The following HS3ST4 variants were observed in gnomAD, a reference collection of about 807,000 sequenced individuals.
The protein encoded by HS3ST4 is heparan sulfate-glucosamine 3-sulfotransferase 4, also known as heparan sulfate glucosamine 3-O-sulfotransferase 4.
In HS3ST4, 17 loss-of-function variants were observed where a neutral mutation model predicts 29.2. That is an observed-to-expected ratio of 0.58 (90% CI 0.40 to 0.87). The LOEUF (loss-of-function observed/expected upper bound fraction) is 0.87, where lower values mean the gene tolerates loss of function less well. Among genes scored for constraint, HS3ST4 ranks in the 40% least tolerant of loss-of-function variants. The pLI is 0.00. For synonymous variants in HS3ST4, 314 were observed against 285.7 expected (o/e 1.10, Z -1.00); for missense variants, 627 against 634.5 (o/e 0.99, Z 0.13).
At chr16:25,989,185 T>C (rs980015375) in intron 1 of HS3ST4, among the ~76,000 whole-genome samples, 1 of 152,230 alleles carries the variant, frequency 6.6e-6, no homozygotes, top group Non-Finnish European at 1.5e-5. Flanking sequence ...ACTCCGTGAT[T>C]GGTGTAAGAG....
At chr16:25,769,336 C>T (rs1015099118) in intron 1 of HS3ST4, among the ~76,000 whole-genome samples, 3 of 152,120 alleles carry the variant, frequency 2.0e-5, no homozygotes, top group Admixed American at 2.0e-4. Context: ...TCATCCCTCT[C>T]TCTTTCCCAC....
At chr16:25,857,954 T>G (rs1967597114) in intron 1 of HS3ST4, among the ~76,000 whole-genome samples, 9 of 56,084 alleles carry the variant, frequency 1.6e-4, no homozygotes, top group African/African-American at 9.1e-4. Context: ...CTTTCTTTCT[T>G]TCTTTCTTTC....
chr16:25,851,390 G>A (rs182978329), intron 1 of HS3ST4, among the ~76,000 whole-genome samples: 3 of 152,232 alleles, frequency 2.0e-5, no homozygotes, highest in Admixed American at 2.0e-4. Context: ...TACAGAGCGG[G>A]CTCTTTGAGT....
chr16:25,816,717 C>T (rs1234222941), intron 1 of HS3ST4, among the ~76,000 whole-genome samples: 1 of 152,074 alleles, frequency 6.6e-6, no homozygotes, highest in African/African-American at 2.4e-5. Flanking sequence ...CAGTTACAGG[C>T]TTACAGGCTA....
intron 1 of HS3ST4, among the ~76,000 whole-genome samples, chr16:25,730,744 C>A (rs1158812958): frequency 6.6e-6 from 1 of 150,812 alleles, no homozygotes; most frequent in Non-Finnish European, 1.5e-5. Context: ...CTCCCTTTTT[C>A]CTCCCTCTTT....
At chr16:26,086,834 C>T (rs1236979164) in intron 1 of HS3ST4, among the ~76,000 whole-genome samples, 1 of 152,222 alleles carries the variant, frequency 6.6e-6, no homozygotes, top group Non-Finnish European at 1.5e-5. Context: ...CTGCACCCCT[C>T]AGTCTTTTCT....
intron 1 of HS3ST4, among the ~76,000 whole-genome samples, chr16:26,068,517 T>A (rs535762915): frequency 6.6e-6 from 1 of 152,240 alleles, no homozygotes; most frequent in African/African-American, 2.4e-5. Context: ...GAAAGAAAAT[T>A]TGAACCTAAG....
At chr16:25,801,535 G>T (rs993123398) in intron 1 of HS3ST4, among the ~76,000 whole-genome samples, 3 of 152,152 alleles carry the variant, frequency 2.0e-5, no homozygotes, top group African/African-American at 7.2e-5. Flanking sequence ...CTTGCTGTTT[G>T]CTGGGTGTTA....
chr16:25,866,039 T>C (rs1436624395), intron 1 of HS3ST4, among the ~76,000 whole-genome samples: 2 of 152,224 alleles, frequency 1.3e-5, no homozygotes, highest in Non-Finnish European at 2.9e-5. Context: ...AAACAACCTT[T>C]GGAATGAGAG....
intron 1 of HS3ST4, among the ~76,000 whole-genome samples, chr16:25,977,882 C>G (rs749131896): frequency 1.3e-5 from 2 of 152,134 alleles, no homozygotes; most frequent in Non-Finnish European, 2.9e-5. Context: ...GATTGCCGCC[C>G]CCTGCCTAGA....
chr16:25,829,849 A>C (rs1967275293), intron 1 of HS3ST4, among the ~76,000 whole-genome samples: 2 of 152,146 alleles, frequency 1.3e-5, no homozygotes, highest in Admixed American at 1.3e-4. Flanking sequence ...TTTGAGTTGG[A>C]GTCTTGCTCT....
chr16:26,007,974 G>A (rs141591869), intron 1 of HS3ST4, among the ~76,000 whole-genome samples: 2 of 151,734 alleles, frequency 1.3e-5, no homozygotes, highest in African/African-American at 4.8e-5. Context: ...GGCTCATCTG[G>A]CATTTATTAA....
chr16:25,814,360 G>C (rs892255604), intron 1 of HS3ST4, among the ~76,000 whole-genome samples: 2 of 151,692 alleles, frequency 1.3e-5, no homozygotes, highest in Non-Finnish European at 2.9e-5. Context: ...TGGCGGGGGC[G>C]GGGGGAGATG....
At chr16:25,959,398 G>T (rs1968771501) in intron 1 of HS3ST4, among the ~76,000 whole-genome samples, 1 of 152,226 alleles carries the variant, frequency 6.6e-6, no homozygotes, top group Non-Finnish European at 1.5e-5. Flanking sequence ...AAGTGGGGCA[G>T]AGTGCAGCCT....
In HS3ST4 at chr16:26,135,990, A is replaced by G; in HGVS notation, c.1113A>G (p.Val371=). The G allele has an allele frequency of 1.2e-6, 2 of 1,614,024 alleles. No homozygotes were observed. Among genetic ancestry groups the G allele is most frequent in the Non-Finnish European group, 1.7e-6 (2 of 1,179,886 alleles). Residue 371 remains valine, a synonymous_variant, in exon 2 of 2, where the codon GTA becomes GTG. Transcript: ENST00000331351. ...ACCCCGCCGGGGAAATGGCCAAAGT[A>G]CAGGATTTTCTAGGCCTCAAACGTG... is the stretch of plus-strand genomic sequence containing the variant. The part of the protein sequence containing the change: ...IVDPAGEMAK[V]QDFLGLKRVV...
At chr16:25,767,463 A>C (rs1966827515) in intron 1 of HS3ST4, among the ~76,000 whole-genome samples, 1 of 151,998 alleles carries the variant, frequency 6.6e-6, no homozygotes, top group Non-Finnish European at 1.5e-5. Context: ...TTTCCATGGG[A>C]GGTGGGGGGT....
chr16:25,777,686 T>G (rs1966848874), intron 1 of HS3ST4, among the ~76,000 whole-genome samples: 1 of 152,170 alleles, frequency 6.6e-6, no homozygotes, highest in African/African-American at 2.4e-5. Flanking sequence ...GAGAATCACT[T>G]GAACCCAGGA....
intron 1 of HS3ST4, among the ~76,000 whole-genome samples, chr16:25,813,991 C>G (rs1032067847): frequency 2.0e-5 from 3 of 152,136 alleles, no homozygotes; most frequent in Admixed American, 6.5e-5. Flanking sequence ...TTATGTTGAG[C>G]AAATGAAGCC....
intron 1 of HS3ST4, among the ~76,000 whole-genome samples, chr16:25,814,748 A>G (rs559432671): frequency 1.3e-5 from 2 of 152,304 alleles, no homozygotes; most frequent in East Asian, 3.9e-4. Context: ...CGCATTAACC[A>G]CCATGGTACC....
Sources: allele counts gnomAD v4.1 joint callset (sites outside exome capture counted in the v4.1 genomes callset), GRCh38; gene constraint gnomAD v4.1.1; transcripts MANE v1.5; gene names NCBI Gene and HGNC (gene_info 2026-07-23, HGNC 2026-07-21).